The following BTRC variants were observed in gnomAD, a reference collection of about 807,000 sequenced individuals.
The protein encoded by BTRC is beta-transducin repeat containing E3 ubiquitin protein ligase.
Under a neutral mutation model 85.5 loss-of-function variants are expected in BTRC, and 42 were observed. That is an observed-to-expected ratio of 0.49 (90% CI 0.38 to 0.64). BTRC has a LOEUF of 0.64. BTRC is among the 30% of genes least tolerant of loss of function. BTRC has a pLI of 0.00. For synonymous variants in BTRC, 255 were observed against 263.3 expected (o/e 0.97, Z 0.30); for missense variants, 594 against 743.5 (o/e 0.80, Z 2.34).
At chr10:101,469,654 G>C (rs1207676765) in intron 3 of BTRC, among the ~76,000 whole-genome samples, 2 of 152,128 alleles carry the variant, frequency 1.3e-5, no homozygotes, top group African/African-American at 4.8e-5. Context: ...GATATTAATT[G>C]TATAAGTCTG....
At chr10:101,389,118 TG>T (rs869153592) in intron 1 of BTRC, among the ~76,000 whole-genome samples, 1,291 of 23,122 alleles carry the variant, frequency 0.056, 170 homozygotes, top group Non-Finnish European at 0.072. Flanking sequence ...TTTTTGTGTG[TG>T]TTTTTTTTTT....
rs543366185 is a variant in BTRC, at chr10:101,367,078, A to T, written c.48+12850A>T. ...TATATAAATATAAATATATATATATATATTTTTTTCGAGCTAGAGTCTCGC... is the reference window on the plus strand; with the variant it reads ...TATATAAATATAAATATATATATATTTATTTTTTTCGAGCTAGAGTCTCGC... On this transcript the variant is annotated intron_variant, in intron 1 of 14. Transcript: ENST00000370187. Among the ~76,000 whole-genome samples the T allele has an allele frequency of 7.0e-3, 706 of 100,274 alleles. 24 individuals are homozygous for T. The highest frequency in any genetic ancestry group is 0.017 in the Middle Eastern group (4 of 232). 65.8% of individuals were successfully genotyped at this position (100,274 alleles called of 152,430 possible). A position where few individuals can be genotyped will look rare whatever the true frequency, so the allele number is the denominator to read the frequency against.
chr10:101,489,802 T>G (rs1946082583), intron 4 of BTRC, among the ~76,000 whole-genome samples: 1 of 152,198 alleles, frequency 6.6e-6, no homozygotes, highest in Non-Finnish European at 1.5e-5. Context: ...ATTTGTTTCT[T>G]AAGATTAGCA....
At chr10:101,408,798 A>G (rs1943697658) in intron 1 of BTRC, among the ~76,000 whole-genome samples, 2 of 152,174 alleles carry the variant, frequency 1.3e-5, no homozygotes, top group Admixed American at 1.3e-4. Context: ...CTGTAATCCC[A>G]GCATTTGGGA....
chr10:101,533,039 A>G lies in BTRC; in HGVS notation c.1066A>G (p.Ile356Val), dbSNP rs1472948763. 6.2e-7 allele frequency: 1 copy of G among 1,613,066 alleles called. No homozygotes were observed. Among genetic ancestry groups the G allele is most frequent in the African/African-American group, 1.3e-5 (1 of 74,828 alleles). Residue 356 changes from isoleucine to valine, a missense_variant, in exon 9 of 15, where the codon ATC (isoleucine) becomes GTC (valine). Ile to Val is a conservative substitution (Grantham distance 29). This residue lies in a region of BTRC where 373 missense variants were observed against 503.6 expected (regional missense o/e 0.74). Transcript: ENST00000370187. ...VLCLQYDERV[I>V]ITGSSDSTVR... ...CTGTCTCCAGTATGATGAGAGAGTG[A>G]TCATAACAGGATCATCGGATTCCAC... is the stretch of plus-strand genomic sequence containing the variant.
intron 2 of BTRC, among the ~76,000 whole-genome samples, chr10:101,441,605 C>T (rs1056414178): frequency 6.6e-6 from 1 of 152,114 alleles, no homozygotes; most frequent in Non-Finnish European, 1.5e-5. Flanking sequence ...CTTGGCCGGG[C>T]GTGGTGGCTC....
At chr10:101,421,295 C>T (rs183010089) in intron 1 of BTRC, among the ~76,000 whole-genome samples, 175 of 152,186 alleles carry the variant, frequency 1.1e-3, no homozygotes, top group Non-Finnish European at 1.9e-3. Context: ...TGCCCCTAAA[C>T]CATTTTGGCT....
chr10:101,539,178 C>CT (rs1426086328), intron 13 of BTRC, among the ~76,000 whole-genome samples: 4 of 152,182 alleles, frequency 2.6e-5, no homozygotes, highest in African/African-American at 9.7e-5. Context: ...CATATACCCC[C>CT]TTTTGACATT....
chr10:101,478,914 G>A (rs1945764598), intron 3 of BTRC, among the ~76,000 whole-genome samples: 1 of 150,858 alleles, frequency 6.6e-6, no homozygotes, highest in Admixed American at 6.6e-5. Flanking sequence ...ACCCCAGCCT[G>A]GGTGACAGAG....
intron 4 of BTRC, among the ~76,000 whole-genome samples, chr10:101,509,505 C>T (rs1337423499): frequency 4.0e-5 from 6 of 149,252 alleles, no homozygotes; most frequent in South Asian, 2.1e-4. Flanking sequence ...CCGCCCGCCT[C>T]GGCCTCCCAA....
intron 1 of BTRC, among the ~76,000 whole-genome samples, chr10:101,391,096 A>G (rs1943226474): frequency 6.6e-6 from 1 of 152,162 alleles, no homozygotes; most frequent in South Asian, 2.1e-4. Flanking sequence ...TATGGAATAC[A>G]ATCTGATTTG....
chr10:101,387,310 A>T (rs1401565824), intron 1 of BTRC, among the ~76,000 whole-genome samples: 1 of 149,510 alleles, frequency 6.7e-6, no homozygotes, highest in Non-Finnish European at 1.5e-5. Context: ...TCAGTCATTT[A>T]TTTTTTTTTG....
intron 2 of BTRC, among the ~76,000 whole-genome samples, chr10:101,430,920 A>C (rs778989218): frequency 6.6e-6 from 1 of 152,014 alleles, no homozygotes; most frequent in Non-Finnish European, 1.5e-5. Context: ...TACTAAGTAT[A>C]TATTTTTTAT....
chr10:101,476,135 G>A (rs1268960223), intron 3 of BTRC, among the ~76,000 whole-genome samples: 4 of 151,722 alleles, frequency 2.6e-5, no homozygotes, highest in Non-Finnish European at 5.9e-5. Context: ...CTGATCATGA[G>A]AAAATATCAG....
At chr10:101,427,461 A>AT (rs34459504) in intron 1 of BTRC, among the ~76,000 whole-genome samples, 12,240 of 122,930 alleles carry the variant, frequency 0.1, 700 homozygotes, top group Non-Finnish European at 0.13. Context: ...TATGTTAAGG[A>AT]TTTTTTTTTT....
intron 13 of BTRC, among the ~76,000 whole-genome samples, chr10:101,547,928 G>A (rs761513708): frequency 3.0e-4 from 45 of 152,256 alleles, no homozygotes; most frequent in South Asian, 1.0e-3. Flanking sequence ...AATGGATGCA[G>A]TAAAAGCATT....
chr10:101,406,453 T>C (rs1943623739), intron 1 of BTRC, among the ~76,000 whole-genome samples: 1 of 144,534 alleles, frequency 6.9e-6, no homozygotes, highest in African/African-American at 2.5e-5. Context: ...CGTGAGCCAC[T>C]GCACCCGGCC....
At chr10:101,370,911 GACAC>G (rs2134539988) in intron 1 of BTRC, among the ~76,000 whole-genome samples, 1 of 152,096 alleles carries the variant, frequency 6.6e-6, no homozygotes, top group South Asian at 2.1e-4. Context: ...TGCACACACA[GACAC>G]ACATACATAT....
chr10:101,546,814 A>G (rs2062564886), intron 13 of BTRC, among the ~76,000 whole-genome samples: 1 of 152,212 alleles, frequency 6.6e-6, no homozygotes, highest in African/African-American at 2.4e-5. Context: ...CAAAGAAGAC[A>G]TAATGTACTA....
Sources: gnomAD v4.1 joint callset for allele counts (sites outside exome capture counted in the v4.1 genomes callset) on GRCh38, gnomAD v4.1.1 for gene constraint, gnomAD v4.1.1 regional missense constraint, MANE v1.5 for transcripts, NCBI Gene and HGNC (gene_info 2026-07-23, HGNC 2026-07-21) for gene names.